KLHL32: variants seen among roughly 807,000 people sequenced by gnomAD.
The protein encoded by KLHL32 is kelch-like protein 32.
KLHL32 carries 35 observed loss-of-function variants against 64.8 expected under a neutral mutation model. The observed-to-expected ratio is 0.54, with a 90% CI of 0.41 to 0.72. The LOEUF (loss-of-function observed/expected upper bound fraction) is 0.72. Ranked by LOEUF, KLHL32 falls within the 30% of genes least tolerant of loss-of-function variation. The pLI is 0.00. For synonymous variants in KLHL32, 259 were observed against 281.0 expected (o/e 0.92, Z 0.78); for missense variants, 589 against 768.5 (o/e 0.77, Z 2.76).
chr6:97,056,801 G>T (rs1788021425), intron 4 of KLHL32, among the ~76,000 whole-genome samples: 1 of 152,132 alleles, frequency 6.6e-6, no homozygotes, highest in Non-Finnish European at 1.5e-5. Context: ...CACTTTGGGA[G>T]GCCAAAGCAG....
intron 6 of KLHL32, among the ~76,000 whole-genome samples, chr6:97,088,271 T>C (rs1202875643): frequency 6.6e-6 from 1 of 152,240 alleles, no homozygotes; most frequent in African/African-American, 2.4e-5. Context: ...CAGCAATTTA[T>C]CAGGTTCCAG....
At chr6:96,908,043 C>G in the KLHL32 span, among the ~76,000 whole-genome samples, 2 of 152,214 alleles carry the variant, frequency 1.3e-5, no homozygotes, top group Non-Finnish European at 2.9e-5. Context: ...GGCTCTGAGG[C>G]AGAAGCGTGC....
chr6:97,109,935 G>A (rs1487236684), intron 6 of KLHL32, among the ~76,000 whole-genome samples: 2 of 152,144 alleles, frequency 1.3e-5, no homozygotes, highest in Non-Finnish European at 2.9e-5. Context: ...TTTCCCTGGT[G>A]CATAAGAAAT....
intron 5 of KLHL32, among the ~76,000 whole-genome samples, chr6:97,080,439 A>G (rs1283491720): frequency 6.6e-6 from 1 of 152,206 alleles, no homozygotes; most frequent in Non-Finnish European, 1.5e-5. Flanking sequence ...TCTGCTCCCT[A>G]CTGGATACCA....
At chr6:96,943,944 AT>A (rs1771641922) in intron 1 of KLHL32, among the ~76,000 whole-genome samples, 2 of 152,268 alleles carry the variant, frequency 1.3e-5, no homozygotes, top group South Asian at 4.1e-4. Context: ...TTCAGAAAAT[AT>A]TTTATTTTGT....
At chr6:97,025,283 C>G (rs1238009406) in intron 3 of KLHL32, 1 of 250,588 alleles carries the variant, frequency 4.0e-6, no homozygotes, top group African/African-American at 2.3e-5. Context: ...TTTTCATTAG[C>G]CCATCTGATG....
chr6:96,960,822 A>G (rs1773806256), intron 1 of KLHL32, among the ~76,000 whole-genome samples: 1 of 152,224 alleles, frequency 6.6e-6, no homozygotes, highest in African/African-American at 2.4e-5. Context: ...CTTCTGGGTC[A>G]TAGGTAGATT....
chr6:97,134,103 A>G lies in KLHL32; in HGVS notation c.1701+1356A>G, dbSNP rs564245391. Among the ~76,000 whole-genome samples the G allele has an allele frequency of 4.0e-4, 61 of 152,304 alleles. 3 individuals are homozygous for G. In the South Asian group the frequency reaches 0.011, roughly 27 times the overall value. On this transcript the variant is annotated intron_variant, in intron 10 of 10. Coordinates refer to ENST00000369261, the MANE Select transcript of KLHL32 (RefSeq NM_052904.4). ...TAATGGAACTCAAAAAAATTCCCAG[A>G]ACTGTGATAATAAAAACAATATACA...
intron 1 of KLHL32, among the ~76,000 whole-genome samples, chr6:96,948,181 T>A (rs2128006643): frequency 1.3e-5 from 2 of 152,342 alleles, no homozygotes; most frequent in Admixed American, 1.3e-4. Context: ...TTACTAATGC[T>A]AGACGCAGCA....
chr6:96,916,561 T>A, the KLHL32 span, among the ~76,000 whole-genome samples: 1 of 152,212 alleles, frequency 6.6e-6, no homozygotes, highest in African/African-American at 2.4e-5. Flanking sequence ...TTTATCACCC[T>A]CTGTTAAAAT....
intron 1 of KLHL32, among the ~76,000 whole-genome samples, chr6:96,934,490 G>A (rs1013363309): frequency 6.6e-6 from 1 of 152,190 alleles, no homozygotes; most frequent in Non-Finnish European, 1.5e-5. Flanking sequence ...CAGTTCTGAT[G>A]TCAGTGCTCT....
intron 5 of KLHL32, among the ~76,000 whole-genome samples, chr6:97,070,093 A>G (rs1462118085): frequency 1.3e-5 from 2 of 152,024 alleles, no homozygotes; most frequent in African/African-American, 4.8e-5. Flanking sequence ...CACATTAGAG[A>G]AGACAAATGA....
intron 5 of KLHL32, among the ~76,000 whole-genome samples, chr6:97,073,788 T>C (rs7751972): frequency 0.9 from 136,647 of 152,214 alleles, 61,476 homozygotes; most frequent in East Asian, 1. Flanking sequence ...ATGTGTCTCA[T>C]TTCCCTCCAG....
chr6:97,057,172 C>CTTTTTTTTTTTTTTT (rs199552121), intron 4 of KLHL32, among the ~76,000 whole-genome samples: 1 of 64,998 alleles, frequency 1.5e-5, no homozygotes, highest in African/African-American at 8.8e-5. Context: ...ATGTGAGTAT[C>CTTTTTTTTTTTTTTT]TTTTTTTTTT....
chr6:96,960,548 TC>T (rs1773776976), intron 1 of KLHL32, among the ~76,000 whole-genome samples: 1 of 152,210 alleles, frequency 6.6e-6, no homozygotes, highest in African/African-American at 2.4e-5. Flanking sequence ...TAAAACATTA[TC>T]AAACAAATAT....
In KLHL32 at chr6:96,937,053, T is replaced by TA. The variant is rs560384604; in HGVS notation, c.-66+12038dup. On this transcript the variant is annotated intron_variant, in intron 1 of 10. Coordinates refer to ENST00000369261, the MANE Select transcript of KLHL32 (RefSeq NM_052904.4). ...TTTTTTCCCCACAGCTCTTATCGAT[T>TA]AAAAAAAAAAAGTTTTACTGAGGGA... Among the ~76,000 whole-genome samples, 483 of 147,064 alleles carry TA rather than the reference T, an allele frequency of 3.3e-3. 1 individual carries two copies. Among genetic ancestry groups the TA allele is most frequent in the Middle Eastern group, 0.011 (3 of 284 alleles).
intron 3 of KLHL32, among the ~76,000 whole-genome samples, chr6:97,025,818 A>G (rs1782644938): frequency 6.6e-6 from 1 of 152,176 alleles, no homozygotes; most frequent in East Asian, 1.9e-4. Flanking sequence ...AAAATGAGGT[A>G]ATAGTAGTAC....
At chr6:97,005,481 C>T (rs773126214) in intron 3 of KLHL32, among the ~76,000 whole-genome samples, 2 of 152,020 alleles carry the variant, frequency 1.3e-5, no homozygotes, top group Non-Finnish European at 2.9e-5. Flanking sequence ...CAATTTCATT[C>T]GATTCAGCTC....
At chr6:96,937,132 T>G (rs1770706727) in intron 1 of KLHL32, among the ~76,000 whole-genome samples, 1 of 152,172 alleles carries the variant, frequency 6.6e-6, no homozygotes, top group African/African-American at 2.4e-5. Context: ...GTTCAGTAGT[T>G]TGTAGCAAAT....
Sources: gnomAD v4.1 joint callset for allele counts (sites outside exome capture counted in the v4.1 genomes callset) on GRCh38, gnomAD v4.1.1 for gene constraint, MANE v1.5 for transcripts, NCBI Gene and HGNC (gene_info 2026-07-23, HGNC 2026-07-21) for gene names.